The following LRRC49 variants were observed in gnomAD, a reference collection of about 807,000 sequenced individuals.
LRRC49 encodes the protein leucine rich repeat containing 49, also known as leucine-rich repeat-containing protein 49.
Under a neutral mutation model 83.3 loss-of-function variants are expected in LRRC49, and 50 were observed. That is an observed-to-expected ratio of 0.60 (90% CI 0.48 to 0.76). The LOEUF (loss-of-function observed/expected upper bound fraction) is 0.76, where lower values mean the gene tolerates loss of function less well. Among genes scored for constraint, LRRC49 ranks in the 30% least tolerant of loss-of-function variants. The pLI, the probability that LRRC49 is intolerant of heterozygous loss-of-function variation, is 0.00. For synonymous variants in LRRC49, 286 were observed against 283.3 expected (o/e 1.01, Z -0.10); for missense variants, 704 against 809.1 (o/e 0.87, Z 1.58).
At chr15:70,974,209 TA>T (rs1373944080) in intron 9 of LRRC49, among the ~76,000 whole-genome samples, 1 of 152,196 alleles carries the variant, frequency 6.6e-6, no homozygotes, top group Non-Finnish European at 1.5e-5. Context: ...ATTAGCTCAC[TA>T]AAAAACAATT....
At chr15:70,958,212 A>G (rs1240364685) in intron 8 of LRRC49, among the ~76,000 whole-genome samples, 5 of 152,094 alleles carry the variant, frequency 3.3e-5, no homozygotes, top group Non-Finnish European at 5.9e-5. Context: ...TGTTACCGCA[A>G]TCTGCTTTAT....
At chr15:70,971,211 T>G (rs1467256450) in intron 9 of LRRC49, among the ~76,000 whole-genome samples, 1 of 152,186 alleles carries the variant, frequency 6.6e-6, no homozygotes, top group Non-Finnish European at 1.5e-5. Context: ...AAGAACTTCT[T>G]TATTTCTCCC....
intron 1 of LRRC49, among the ~76,000 whole-genome samples, chr15:70,861,580 A>G (rs1037010676): frequency 1.3e-5 from 2 of 152,036 alleles, no homozygotes; most frequent in African/African-American, 4.8e-5. Flanking sequence ...AAGCAACAAC[A>G]TCCCCAGTTT....
In LRRC49 at chr15:71,049,625, G is replaced by A. The variant is rs895533832; in HGVS notation, c.*13G>A. 4 of 1,582,312 alleles carry A rather than the reference G, an allele frequency of 2.5e-6. No individual in the cohort carries two copies. In the African/African-American group the frequency reaches 4.1e-5, roughly 16 times the overall value. ...AGACCAAAAATAAAAATGGCCTTTA[G>A]TTACAGTTGATTTTGGCAGTTTTAT... On this transcript the variant is annotated 3_prime_UTR_variant, in exon 16 of 16. Coordinates refer to ENST00000260382, the MANE Select transcript of LRRC49 (RefSeq NM_017691.5).
At chr15:70,855,169 T>TA (rs372048204) in intron 1 of LRRC49, among the ~76,000 whole-genome samples, 14 of 151,324 alleles carry the variant, frequency 9.3e-5, no homozygotes, top group Middle Eastern at 3.4e-3. Flanking sequence ...CTGTCTTTAC[T>TA]AAAAAAAATA....
At chr15:70,991,616 C>T (rs1337147548) in intron 11 of LRRC49, among the ~76,000 whole-genome samples, 2 of 152,078 alleles carry the variant, frequency 1.3e-5, no homozygotes, top group African/African-American at 4.8e-5. Context: ...ATTTTTGATC[C>T]ATTTGGTTTA....
intron 7 of LRRC49, among the ~76,000 whole-genome samples, chr15:70,919,397 T>TA (rs1328249766): frequency 1.3e-5 from 2 of 152,208 alleles, no homozygotes; most frequent in Non-Finnish European, 2.9e-5. Context: ...AGAATAAATA[T>TA]AATGTTAGAA....
chr15:70,896,296 A>G (rs1211405053), intron 3 of LRRC49, among the ~76,000 whole-genome samples: 5 of 152,186 alleles, frequency 3.3e-5, no homozygotes, highest in Non-Finnish European at 2.9e-5. Context: ...TCAGGAGTAG[A>G]GAAGAAACAA....
At chr15:70,922,709 G>A (rs1258281664) in intron 7 of LRRC49, among the ~76,000 whole-genome samples, 1 of 151,956 alleles carries the variant, frequency 6.6e-6, no homozygotes, top group Non-Finnish European at 1.5e-5. Context: ...TGCTTGAGGG[G>A]ATGGATACGC....
Position 70,949,366 on chromosome 15 carries a change from C to T in LRRC49, c.773+12544C>T, listed in dbSNP as rs555078716. Among the ~76,000 whole-genome samples, 291 of 152,320 alleles carry T rather than the reference C, an allele frequency of 1.9e-3. 2 individuals carry two copies. Among genetic ancestry groups the T allele is most frequent in the Non-Finnish European group, 7.5e-4 (51 of 68,018 alleles). Reference sequence around the variant, plus strand: ...ATATCATAGCCATTATAACATCATACCGCAACTTATTACATATATATTTTT... The same window carrying T: ...ATATCATAGCCATTATAACATCATATCGCAACTTATTACATATATATTTTT... On this transcript the variant is annotated intron_variant, in intron 8 of 15. Transcript: ENST00000260382.
At chr15:70,919,948 A>C (rs1269194788) in intron 7 of LRRC49, among the ~76,000 whole-genome samples, 2 of 152,342 alleles carry the variant, frequency 1.3e-5, no homozygotes, top group East Asian at 3.9e-4. Flanking sequence ...AAGGTCAGCA[A>C]CTAAATAGAA....
At chr15:70,859,532 A>G in intron 1 of LRRC49, 1 of 674,414 alleles carries the variant, frequency 1.5e-6, no homozygotes, top group Non-Finnish European at 2.8e-6. Context: ...TGCCAACCGC[A>G]GCCAGGCGGA....
At chr15:70,965,232 A>C (rs1420704193) in intron 9 of LRRC49, among the ~76,000 whole-genome samples, 1 of 152,086 alleles carries the variant, frequency 6.6e-6, no homozygotes, top group Admixed American at 6.6e-5. Context: ...TTAGTACTTA[A>C]TTATATGGTA....
intron 11 of LRRC49, among the ~76,000 whole-genome samples, chr15:70,985,724 T>C (rs2037587099): frequency 6.6e-6 from 1 of 151,338 alleles, no homozygotes; most frequent in Non-Finnish European, 1.5e-5. Context: ...TCCTGAATGG[T>C]AATGCCTAGG....
intron 14 of LRRC49, among the ~76,000 whole-genome samples, chr15:71,032,098 G>A (rs1391312668): frequency 6.6e-6 from 1 of 152,178 alleles, no homozygotes; most frequent in Non-Finnish European, 1.5e-5. Context: ...CCAGTTTTGT[G>A]CTTGAAACTC....
intron 1 of LRRC49, among the ~76,000 whole-genome samples, chr15:70,856,601 T>G (rs1226246068): frequency 6.6e-6 from 1 of 152,210 alleles, no homozygotes; most frequent in East Asian, 1.9e-4. Context: ...GCAACTCACA[T>G]AAGTTTCTCA....
intron 9 of LRRC49, among the ~76,000 whole-genome samples, chr15:70,971,177 G>T (rs192598540): frequency 3.9e-5 from 6 of 152,166 alleles, no homozygotes; most frequent in Non-Finnish European, 7.4e-5. Flanking sequence ...CTGGTACATT[G>T]TGTCTTTTTT....
intron 2 of LRRC49, chr15:70,882,055 T>G (rs1308612664): frequency 5.9e-6 from 1 of 169,168 alleles, no homozygotes; most frequent in Non-Finnish European, 1.3e-5. Flanking sequence ...GTGTTACTGC[T>G]CTATACTTTC....
At chr15:70,986,928 G>A (rs2037644577) in intron 11 of LRRC49, among the ~76,000 whole-genome samples, 1 of 152,124 alleles carries the variant, frequency 6.6e-6, no homozygotes, top group Non-Finnish European at 1.5e-5. Flanking sequence ...TTTATATGCT[G>A]GATTACATTT....
Sources: gnomAD v4.1 joint callset for allele counts (sites outside exome capture counted in the v4.1 genomes callset) on GRCh38, gnomAD v4.1.1 for gene constraint, MANE v1.5 for transcripts, NCBI Gene and HGNC (gene_info 2026-07-23, HGNC 2026-07-21) for gene names.